Variants in PLCB4 observed in about 807,000 individuals in gnomAD.
PLCB4 encodes phospholipase C beta 4.
In PLCB4, 77 loss-of-function variants were observed where a neutral mutation model predicts 178.8. That is an observed-to-expected ratio of 0.43 (90% CI 0.36 to 0.52). PLCB4 has a LOEUF of 0.52. Ranked by LOEUF, PLCB4 falls within the 20% of genes least tolerant of loss-of-function variation. The probability of loss-of-function intolerance (pLI) is 0.00; values close to 1 mark genes in which losing one functional copy is unlikely to be tolerated. For missense variants in PLCB4, 1,024 were observed against 1,453.4 expected, an observed-to-expected ratio of 0.70 and a Z score of 4.80; for synonymous variants, 496 against 490.8, an observed-to-expected ratio of 1.01 and a Z score of -0.14.
At chr20:9,265,355 C>T (rs192725915) in intron 3 of PLCB4, among the ~76,000 whole-genome samples, 164 of 152,120 alleles carry the variant, frequency 1.1e-3, no homozygotes, top group East Asian at 3.7e-3. Flanking sequence ...TGTTGCCACA[C>T]GCCTGTAATC....
intron 17 of PLCB4, among the ~76,000 whole-genome samples, 180 bp downstream of exon 17, chr20:9,390,795 G>A (rs1213927508): frequency 6.6e-6 from 1 of 152,120 alleles, no homozygotes; most frequent in African/African-American, 2.4e-5. Flanking sequence ...TAAACATCTG[G>A]TTCAATTTCA....
chr20:9,105,618 T>A (rs965521451), intron 2 of PLCB4, among the ~76,000 whole-genome samples: 1 of 152,076 alleles, frequency 6.6e-6, no homozygotes, highest in Non-Finnish European at 1.5e-5. Context: ...CAGGGATACA[T>A]CAATGAGTAA....
intron 1 of PLCB4, among the ~76,000 whole-genome samples, chr20:9,077,959 A>G (rs1412663011): frequency 6.6e-6 from 1 of 152,202 alleles, no homozygotes; most frequent in Non-Finnish European, 1.5e-5. Flanking sequence ...CTTGAATTTA[A>G]TGTCCTTGAC....
chr20:9,290,438 C>T (rs2094570705), intron 3 of PLCB4, among the ~76,000 whole-genome samples: 1 of 152,116 alleles, frequency 6.6e-6, no homozygotes, highest in African/African-American at 2.4e-5. Flanking sequence ...CCTTTGATAT[C>T]CTTTCTATTG....
intron 3 of PLCB4, among the ~76,000 whole-genome samples, chr20:9,265,845 G>C (rs2094344264): frequency 6.6e-6 from 1 of 152,170 alleles, no homozygotes; most frequent in South Asian, 2.1e-4. Context: ...GCGGCAGCAT[G>C]GTCATCTTGT....
chr20:9,086,399 G>A (rs1307742088), intron 1 of PLCB4, among the ~76,000 whole-genome samples: 2 of 152,026 alleles, frequency 1.3e-5, no homozygotes, highest in Admixed American at 6.6e-5. Flanking sequence ...GAGCGTGTAT[G>A]ATGTGCATTG....
At chr20:9,094,893 C>G (rs556647913) in intron 1 of PLCB4, among the ~76,000 whole-genome samples, 1 of 152,266 alleles carries the variant, frequency 6.6e-6, no homozygotes, top group South Asian at 2.1e-4. Context: ...CAGAGCTTAC[C>G]TGCAACTGTA....
chr20:9,158,213 C>A (rs955987927), intron 2 of PLCB4, among the ~76,000 whole-genome samples: 1 of 151,992 alleles, frequency 6.6e-6, no homozygotes, highest in Admixed American at 6.6e-5. Flanking sequence ...ATACAGATAC[C>A]ATCTGCATGC....
At chr20:9,193,743 CAA>C (rs2093433655) in intron 2 of PLCB4, among the ~76,000 whole-genome samples, 1 of 152,026 alleles carries the variant, frequency 6.6e-6, no homozygotes, top group Non-Finnish European at 1.5e-5. Context: ...ATATAATAGA[CAA>C]ATAATAAACA....
intron 37 of PLCB4, 79 bp downstream of exon 37, chr20:9,472,926 G>T: frequency 2.7e-6 from 2 of 748,926 alleles, no homozygotes; most frequent in South Asian, 3.5e-5. Flanking sequence ...CAGATCTCTA[G>T]CTAATTTGTT....
At chr20:9,259,564 G>A (rs539563928) in intron 3 of PLCB4, among the ~76,000 whole-genome samples, 4 of 152,122 alleles carry the variant, frequency 2.6e-5, no homozygotes, top group Middle Eastern at 3.4e-3. Context: ...ATTAAAAAAC[G>A]AAATATTGAA....
chr20:9,212,544 A>C (rs1050897805), intron 2 of PLCB4, among the ~76,000 whole-genome samples: 1 of 152,192 alleles, frequency 6.6e-6, no homozygotes, highest in Non-Finnish European at 1.5e-5. Flanking sequence ...AAAGTTCCCC[A>C]TTGCTTTGAA....
At chr20:9,233,054 T>C (rs900580577) in intron 3 of PLCB4, among the ~76,000 whole-genome samples, 16 of 152,108 alleles carry the variant, frequency 1.1e-4, no homozygotes, top group Non-Finnish European at 1.6e-4. Context: ...TGTCAAAGGC[T>C]GACAATGCCA....
intron 2 of PLCB4, among the ~76,000 whole-genome samples, chr20:9,156,404 G>A (rs1448766900): frequency 6.6e-6 from 1 of 152,144 alleles, no homozygotes; most frequent in Non-Finnish European, 1.5e-5. Context: ...TGAGATGATG[G>A]AATTGAGGCA....
At chr20:9,220,099 G>A (rs1214655857) in intron 3 of PLCB4, among the ~76,000 whole-genome samples, 2 of 151,982 alleles carry the variant, frequency 1.3e-5, no homozygotes. Context: ...GACTGTTTTT[G>A]GATGAATTAT....
chr20:9,360,981 A>C (rs6086858), intron 7 of PLCB4, among the ~76,000 whole-genome samples: 11 of 152,294 alleles, frequency 7.2e-5, no homozygotes, highest in African/African-American at 2.2e-4. Context: ...AAACAAAAAA[A>C]CCCAGAAAAT....
intron 7 of PLCB4, among the ~76,000 whole-genome samples, chr20:9,351,140 C>CTT (rs531448471): frequency 1.2e-4 from 17 of 137,000 alleles, no homozygotes; most frequent in South Asian, 4.9e-4. Context: ...AGAAGTATTT[C>CTT]TTTTTTTTTT....
At chr20:9,355,382 G>A (rs932873068) in intron 7 of PLCB4, among the ~76,000 whole-genome samples, 56 of 151,968 alleles carry the variant, frequency 3.7e-4, no homozygotes, top group Non-Finnish European at 7.4e-5. Context: ...CCATGCTGGT[G>A]TGCTGCACCC....
intron 2 of PLCB4, among the ~76,000 whole-genome samples, chr20:9,127,407 G>A (rs921094666): frequency 1.3e-5 from 2 of 151,988 alleles, no homozygotes; most frequent in African/African-American, 4.8e-5. Context: ...TTATTTTTAT[G>A]TATCTTCCAA....
Sources: gnomAD v4.1 joint callset for allele counts (sites outside exome capture counted in the v4.1 genomes callset) on GRCh38, gnomAD v4.1.1 for gene constraint, MANE v1.5 for transcripts, NCBI Gene and HGNC (gene_info 2026-07-23, HGNC 2026-07-21) for gene names.